ASXL3: variants seen among roughly 807,000 people sequenced by gnomAD.
The protein encoded by ASXL3 is putative Polycomb group protein ASXL3.
In ASXL3, 34 loss-of-function variants were observed where a neutral mutation model predicts 170.6. The observed-to-expected ratio is 0.20, with a 90% CI of 0.15 to 0.27. The LOEUF is 0.27. Among genes scored for constraint, ASXL3 ranks in the 10% least tolerant of loss-of-function variants. The pLI is 1.00. For missense variants in ASXL3, 2,592 were observed against 2,695.3 expected, an observed-to-expected ratio of 0.96 and a Z score of 0.85; for synonymous variants, 1,002 against 989.1, an observed-to-expected ratio of 1.01 and a Z score of -0.24.
chr18:33,650,709 A>G (rs1025710988), intron 4 of ASXL3, among the ~76,000 whole-genome samples: 2 of 152,164 alleles, frequency 1.3e-5, no homozygotes, highest in Admixed American at 6.6e-5. Context: ...ATATCCAGCT[A>G]ATGTGACAAA....
At chr18:33,614,075 C>CA (rs2145137104) in intron 2 of ASXL3, among the ~76,000 whole-genome samples, 1 of 152,176 alleles carries the variant, frequency 6.6e-6, no homozygotes, top group Admixed American at 6.6e-5. Flanking sequence ...TAAAGTAAGA[C>CA]AACAATGAAG....
intron 10 of ASXL3, among the ~76,000 whole-genome samples, chr18:33,735,772 AT>A (rs142378684): frequency 0.053 from 8,137 of 152,202 alleles, 324 homozygotes; most frequent in African/African-American, 0.11. Flanking sequence ...TTGGTTCTTA[AT>A]TTTTTAGTGA....
chr18:33,718,777 T>TA (rs983627721), intron 8 of ASXL3, among the ~76,000 whole-genome samples: 8 of 151,696 alleles, frequency 5.3e-5, no homozygotes, highest in African/African-American at 1.5e-4. Context: ...TTATGTAATA[T>TA]AAAAAAATCA....
chr18:33,741,898 A>G (rs1373336693), intron 11 of ASXL3, among the ~76,000 whole-genome samples: 2 of 152,282 alleles, frequency 1.3e-5, no homozygotes, highest in East Asian at 3.9e-4. Flanking sequence ...CATGACTAAG[A>G]ATGCTTTTAG....
In ASXL3 at chr18:33,736,933, T is replaced by C. The variant is rs114957093; in HGVS notation, c.1083-1554T>C. Reference sequence around the variant, plus strand: ...CCTATATGTATATTTAATAATATTATTAACCAACTAGCAGAAATTTGGCTG... The same window carrying C: ...CCTATATGTATATTTAATAATATTACTAACCAACTAGCAGAAATTTGGCTG... On this transcript the variant is annotated intron_variant, in intron 10 of 11. Coordinates refer to ENST00000269197, the MANE Select transcript of ASXL3 (RefSeq NM_030632.3). 2.1e-3 allele frequency among the ~76,000 whole-genome samples: 327 copies of C among 152,292 alleles called. 1 individual carries two copies. Among genetic ancestry groups the C allele is most frequent in the African/African-American group, 7.2e-3 (299 of 41,564 alleles).
intron 2 of ASXL3, among the ~76,000 whole-genome samples, chr18:33,611,213 T>C (rs2065332151): frequency 1.3e-5 from 2 of 152,048 alleles, no homozygotes; most frequent in South Asian, 4.1e-4. Flanking sequence ...TAGAGTAGGA[T>C]TGAATTCTAT....
rs797045318 is a variant in ASXL3, at chr18:33,746,160, C to A, written c.6312C>A (p.Asp2104Glu). The change falls in exon 12 of 12, where the codon GAC becomes GAA. Residue 2104 changes from aspartate to glutamate, a missense_variant. Asp to Glu is a conservative substitution (Grantham distance 45, BLOSUM62 2). This residue lies in a region of ASXL3 where 2,246 missense variants were observed against 2,219.6 expected (regional missense o/e 1.01). Coordinates refer to ENST00000269197, the MANE Select transcript of ASXL3 (RefSeq NM_030632.3). ...CELGMKQVSYDQNEMKEQLKA... is the reference protein window; with the variant it reads ...CELGMKQVSYEQNEMKEQLKA... ...TGGGCATGAAACAAGTTTCCTATGACCAGAATGAAATGAAAGAACAGTTAA... is the reference window on the plus strand; with the variant it reads ...TGGGCATGAAACAAGTTTCCTATGAACAGAATGAAATGAAAGAACAGTTAA... 26 of 1,613,628 alleles carry A rather than the reference C, an allele frequency of 1.6e-5. No homozygotes were observed. The highest frequency in any genetic ancestry group is 2.2e-5 in the Non-Finnish European group (26 of 1,179,864).
At chr18:33,586,992 A>C (rs759355690) in intron 1 of ASXL3, among the ~76,000 whole-genome samples, 1 of 152,100 alleles carries the variant, frequency 6.6e-6, no homozygotes, top group Non-Finnish European at 1.5e-5. Flanking sequence ...CTCCTCCTCT[A>C]TTCATTCACT....
Position 33,670,725 on chromosome 18 carries a change from A to G in ASXL3, c.530A>G (p.Lys177Arg). 7.6e-6 allele frequency: 12 copies of G among 1,572,258 alleles called. No homozygotes were observed. Among genetic ancestry groups the G allele is most frequent in the Non-Finnish European group, 8.6e-6 (10 of 1,157,574 alleles). Reference protein sequence around the residue: ...RRNGVSMMVNKTVPRVVLTPL... With the variant: ...RRNGVSMMVNRTVPRVVLTPL... ...AATGGAGTCTCAATGATGGTAAACA[A>G]GACTGTTCCTCGTGTTGTTTTGACA... The change falls in exon 6 of 12, where the codon AAG (lysine) becomes AGG (arginine). Residue 177 changes from lysine to arginine, a missense_variant. This residue lies in a region of ASXL3 where 251 missense variants were observed against 281.9 expected (regional missense o/e 0.89). Coordinates refer to ENST00000269197, the MANE Select transcript of ASXL3 (RefSeq NM_030632.3).
intron 11 of ASXL3, 130 bp downstream of exon 11, chr18:33,740,573 A>G (rs939467259): frequency 1.9e-5 from 17 of 892,558 alleles, no homozygotes; most frequent in Non-Finnish European, 2.6e-5. Flanking sequence ...TAATCCTCTA[A>G]TAGTAAATGA....
Position 33,743,014 on chromosome 18 carries a change from G to A in ASXL3, c.3166G>A (p.Asp1056Asn), listed in dbSNP as rs1369282739. 11 of 1,613,888 alleles carry A rather than the reference G, an allele frequency of 6.8e-6. No homozygotes were observed. The highest frequency in any genetic ancestry group is 7.6e-6 in the Non-Finnish European group (9 of 1,179,840). Residue 1056 changes from aspartate (D) to asparagine (N), a missense_variant, in exon 12 of 12, where the codon GAT becomes AAT. Asp to Asn is a conservative substitution (Grantham distance 23). Coordinates refer to ENST00000269197, the MANE Select transcript of ASXL3 (RefSeq NM_030632.3). ...GRNTGARTLA[D>N]IKARAQQARA... ...GAACACAGGAGCCAGGACCCTCGCAGATATCAAGGCCCGGGCCCAACAAGC... is the reference window on the plus strand; with the variant it reads ...GAACACAGGAGCCAGGACCCTCGCAAATATCAAGGCCCGGGCCCAACAAGC...
At chr18:33,616,332 A>G (rs112406285) in intron 2 of ASXL3, among the ~76,000 whole-genome samples, 1 of 151,424 alleles carries the variant, frequency 6.6e-6, no homozygotes, top group Non-Finnish European at 1.5e-5. Context: ...ATGTCCCGTT[A>G]TTTTTTTCAT....
chr18:33,713,158 A>G (rs2067097258), intron 8 of ASXL3, among the ~76,000 whole-genome samples: 1 of 151,182 alleles, frequency 6.6e-6, no homozygotes, highest in African/African-American at 2.4e-5. Flanking sequence ...ACTATACAAA[A>G]TCAGGGTTTG....
At chr18:33,648,740 T>C (rs1327720197) in intron 4 of ASXL3, among the ~76,000 whole-genome samples, 2 of 152,048 alleles carry the variant, frequency 1.3e-5, no homozygotes, top group African/African-American at 2.4e-5. Flanking sequence ...ACTTGAATTT[T>C]AAGAGCTTGG....
At chr18:33,610,353 T>A (rs1453597030) in intron 2 of ASXL3, among the ~76,000 whole-genome samples, 1 of 152,018 alleles carries the variant, frequency 6.6e-6, no homozygotes, top group African/African-American at 2.4e-5. Context: ...GTGAAGTTAC[T>A]AATATGGCCA....
rs73955168 is a variant in ASXL3 at position 33,650,511 on chromosome 18, T to C, written c.355+4158T>C. On this transcript the variant is annotated intron_variant, in intron 4 of 11. Transcript: ENST00000269197. The stretch of plus-strand genomic sequence containing the variant: ...GTAAAGGGAGTTTTCAGAGAAAATA[T>C]GGAGGCTGCAGGAGATTTTGATAAT... Among the ~76,000 whole-genome samples, 1,280 of 152,116 alleles carry C rather than the reference T, an allele frequency of 8.4e-3. 9 individuals carry two copies. Among genetic ancestry groups the C allele is most frequent in the African/African-American group, 0.025 (1,047 of 41,502 alleles).
At chr18:33,647,603 A>G (rs1054310299) in intron 4 of ASXL3, among the ~76,000 whole-genome samples, 3 of 151,974 alleles carry the variant, frequency 2.0e-5, no homozygotes, top group African/African-American at 7.2e-5. Context: ...AGGAGGGTGA[A>G]GGAGAATCTT....
chr18:33,670,644 A>G, intron 5 of ASXL3, 29 bp from the exon 6 acceptor site: 1 of 1,383,214 alleles, frequency 7.2e-7, no homozygotes, highest in Non-Finnish European at 9.9e-7. Context: ...CTATATTTTT[A>G]TGTTATATCT....
At chr18:33,652,557 C>A (rs1477295134) in intron 4 of ASXL3, among the ~76,000 whole-genome samples, 2 of 132,834 alleles carry the variant, frequency 1.5e-5, no homozygotes, top group East Asian at 2.4e-4. Flanking sequence ...AGGGAGGAAG[C>A]AGCACTCTAG....
Sources: gnomAD v4.1 joint callset for allele counts (sites outside exome capture counted in the v4.1 genomes callset) on GRCh38, gnomAD v4.1.1 for gene constraint, gnomAD v4.1.1 regional missense constraint, MANE v1.5 for transcripts, NCBI Gene and HGNC (gene_info 2026-07-23, HGNC 2026-07-21) for gene names.